The following ABHD6 variants were observed in gnomAD, a reference collection of about 807,000 sequenced individuals.
ABHD6 encodes abhydrolase domain containing 6, acylglycerol lipase.
Under a neutral mutation model 38.8 loss-of-function variants are expected in ABHD6, and 33 were observed. The observed-to-expected ratio is 0.85, with a 90% CI of 0.64 to 1.14. The LOEUF is 1.14. ABHD6 is among the 50% of genes most tolerant of loss of function. ABHD6 has a pLI of 0.00. For synonymous variants in ABHD6, 147 were observed against 161.6 expected, an observed-to-expected ratio of 0.91 and a Z score of 0.69; for missense variants, 380 against 422.6, an observed-to-expected ratio of 0.90 and a Z score of 0.88.
chr3:58,291,348 G>A (rs931822882), intron 9 of ABHD6, among the ~76,000 whole-genome samples: 8 of 152,118 alleles, frequency 5.3e-5, no homozygotes, highest in East Asian at 1.9e-4. Flanking sequence ...GCTTCGGCTC[G>A]GCATCAGAGG....
intron 5 of ABHD6, among the ~76,000 whole-genome samples, chr3:58,270,567 G>A (rs1033861171): frequency 5.3e-5 from 8 of 151,336 alleles, no homozygotes; most frequent in Admixed American, 2.0e-4. Context: ...CTAGCTACTC[G>A]GGAGGCTGAG....
chr3:58,264,420 C>T (rs60307109), intron 3 of ABHD6, among the ~76,000 whole-genome samples: 16,471 of 144,138 alleles, frequency 0.11, 1,305 homozygotes, highest in African/African-American at 0.22. Flanking sequence ...CACACACACA[C>T]ACACACACAC....
At chr3:58,245,132 G>A (rs1273862669) in intron 1 of ABHD6, among the ~76,000 whole-genome samples, 4 of 152,154 alleles carry the variant, frequency 2.6e-5, no homozygotes, top group Non-Finnish European at 5.9e-5. Flanking sequence ...TGTTCCTGCA[G>A]TTGGAAAGTA....
intron 4 of ABHD6, among the ~76,000 whole-genome samples, chr3:58,268,724 G>A (rs1034859036): frequency 1.3e-5 from 2 of 152,102 alleles, no homozygotes; most frequent in Admixed American, 1.3e-4. Context: ...CTTATAACTG[G>A]ATGTTTGTTT....
chr3:58,291,193 A>C (rs1439062009), intron 9 of ABHD6, among the ~76,000 whole-genome samples: 7 of 56,776 alleles, frequency 1.2e-4, no homozygotes, highest in Non-Finnish European at 2.1e-4. Context: ...CCTGGCCAAC[A>C]CAGTGAAACC....
intron 1 of ABHD6, among the ~76,000 whole-genome samples, chr3:58,248,332 G>A (rs1353934760): frequency 1.3e-5 from 2 of 152,126 alleles, no homozygotes; most frequent in African/African-American, 4.8e-5. Context: ...TTGCCATTAT[G>A]AATACTATTG....
intron 6 of ABHD6, among the ~76,000 whole-genome samples, chr3:58,274,012 C>G (rs141179683): frequency 1.3e-5 from 2 of 152,288 alleles, no homozygotes; most frequent in African/African-American, 4.8e-5. Context: ...ACTCTCGTGT[C>G]GTGCCCTGAG....
chr3:58,266,051 G>A lies in ABHD6; in HGVS notation c.120-1138G>A, dbSNP rs962972909. Among the ~76,000 whole-genome samples, 1 of 152,220 alleles carries A rather than the reference G, an allele frequency of 6.6e-6. No individual in the cohort carries two copies. Among genetic ancestry groups the A allele is most frequent in the Non-Finnish European group, 1.5e-5 (1 of 68,046 alleles). ...AAGTCGTGTTATGATTTAGAATTTT[G>A]AAATACGCTTGCCTTGCTGTAAGAA... On this transcript the variant is annotated intron_variant, in intron 3 of 9. Transcript: ENST00000478253. The surrounding 1 kb of genome is among the most constrained non-coding windows in gnomAD (Gnocchi z 4.0).
Position 58,293,767 on chromosome 3 carries a change from G to A in ABHD6, c.*2G>A. ...GACAACAACAAGAAGCTGGACTGAG[G>A]CCCCGACTGCAGCCTGCATTCTGCA... On this transcript the variant is annotated 3_prime_UTR_variant, in exon 10 of 10. Coordinates refer to ENST00000478253, the MANE Select transcript of ABHD6 (RefSeq NM_001320126.2). This position sits in a 1 kb window ranked among gnomAD's most constrained non-coding sequence, Gnocchi z 4.4. The A allele has an allele frequency of 6.2e-7, 1 of 1,613,370 alleles. No individual in the cohort carries two copies. The highest frequency in any genetic ancestry group is 8.5e-7 in the Non-Finnish European group (1 of 1,179,494).
rs113024535 is a variant in ABHD6 at position 58,271,172 on chromosome 3, T to A, written c.523+108T>A. On this transcript the variant is annotated intron_variant, in intron 6 of 9. Transcript: ENST00000478253. ...TGGAATCATCTTTTTGATGTATGCT[T>A]GAGAGATATGCAGTGTTTTACTGAT... 688 of 1,248,486 alleles carry A rather than the reference T, an allele frequency of 5.5e-4. 7 individuals are homozygous for A. The African/African-American group carries it at 8.8e-3, about 16-fold the overall frequency. The allele number at this position is 1,248,486 out of a possible 1,614,324, so 77.3% of individuals were successfully genotyped here.
chr3:58,246,889 G>A (rs1047700793), intron 1 of ABHD6, among the ~76,000 whole-genome samples: 6 of 152,180 alleles, frequency 3.9e-5, no homozygotes, highest in East Asian at 3.8e-4. Flanking sequence ...GCAGTAGTCC[G>A]CCAGTCATTG....
chr3:58,269,646 A>G lies in ABHD6; in HGVS notation c.390+212A>G, dbSNP rs1285017134. ...CTTATTACAGACTTAAGCCTATTGC[A>G]GTTGTTTGTAACGAAATACAATCTG... is the stretch of plus-strand genomic sequence containing the variant. On this transcript the variant is annotated intron_variant, in intron 5 of 9. Coordinates refer to ENST00000478253, the MANE Select transcript of ABHD6 (RefSeq NM_001320126.2). The surrounding 1 kb of genome is among the most constrained non-coding windows in gnomAD (Gnocchi z 4.4). Among the ~76,000 whole-genome samples the G allele has an allele frequency of 1.3e-5, 2 of 152,262 alleles. No homozygotes were observed. Among genetic ancestry groups the G allele is most frequent in the African/African-American group, 2.4e-5 (1 of 41,468 alleles).
intron 1 of ABHD6, among the ~76,000 whole-genome samples, chr3:58,244,952 T>C (rs2097425296): frequency 6.6e-6 from 1 of 152,202 alleles, no homozygotes; most frequent in South Asian, 2.1e-4. Flanking sequence ...GGTGTTTATC[T>C]TCCTGGGCTA....
intron 7 of ABHD6, among the ~76,000 whole-genome samples, chr3:58,282,594 A>C (rs1020428443): frequency 6.6e-6 from 1 of 151,992 alleles, no homozygotes; most frequent in Non-Finnish European, 1.5e-5. Flanking sequence ...TAATTAGCCA[A>C]GTGTGGTGGT....
chr3:58,242,444 G>T (rs11130623), intron 1 of ABHD6, among the ~76,000 whole-genome samples: 45,143 of 152,110 alleles, frequency 0.3, 7,698 homozygotes, highest in East Asian at 0.76. Flanking sequence ...GGCCATATGA[G>T]CAGAGTGAAG....
At chr3:58,276,631 C>A (rs986940891) in intron 7 of ABHD6, among the ~76,000 whole-genome samples, 7 of 152,058 alleles carry the variant, frequency 4.6e-5, no homozygotes, top group Non-Finnish European at 4.4e-5. Context: ...AGATCCCATT[C>A]GTCTATTTTG....
intron 7 of ABHD6, among the ~76,000 whole-genome samples, chr3:58,283,717 T>G (rs1000816430): frequency 6.6e-6 from 1 of 152,114 alleles, no homozygotes; most frequent in Admixed American, 6.5e-5. Flanking sequence ...AGATGGAGGT[T>G]GGATGGATTG....
At chr3:58,288,358 G>A (rs2097458989) in intron 9 of ABHD6, among the ~76,000 whole-genome samples, 1 of 152,186 alleles carries the variant, frequency 6.6e-6, no homozygotes, top group African/African-American at 2.4e-5. Context: ...GATGGATTTG[G>A]TCTGTATACA....
intron 9 of ABHD6, among the ~76,000 whole-genome samples, chr3:58,292,993 A>T (rs1024700913): frequency 2.0e-5 from 3 of 152,158 alleles, no homozygotes; most frequent in South Asian, 2.1e-4. Flanking sequence ...GGGCTGCCCT[A>T]ACCAGCCACA....
Sources: gnomAD v4.1 joint callset for allele counts (sites outside exome capture counted in the v4.1 genomes callset) on GRCh38, gnomAD v4.1.1 for gene constraint, Gnocchi (gnomAD v3.1) non-coding constraint, MANE v1.5 for transcripts, NCBI Gene and HGNC (gene_info 2026-07-23, HGNC 2026-07-21) for gene names.